Variants in DPP6 observed in about 807,000 individuals in gnomAD.
The protein encoded by DPP6 is dipeptidyl peptidase like 6.
In DPP6, 69 loss-of-function variants were observed where a neutral mutation model predicts 122.6. The ratio of observed to expected loss-of-function variants is 0.56; its 90% confidence interval spans 0.46 to 0.69. The LOEUF (loss-of-function observed/expected upper bound fraction) is 0.69. Among genes scored for constraint, DPP6 ranks in the 30% least tolerant of loss-of-function variants. DPP6 has a pLI of 0.00. For synonymous variants in DPP6, 418 were observed against 433.1 expected, an observed-to-expected ratio of 0.97 and a Z score of 0.43; for missense variants, 928 against 1,116.9, an observed-to-expected ratio of 0.83 and a Z score of 2.41.
intron 18 of DPP6, among the ~76,000 whole-genome samples, chr7:154,871,558 A>G (rs890187336): frequency 1.3e-5 from 2 of 152,256 alleles, no homozygotes; most frequent in African/African-American, 4.8e-5. Context: ...CAGTCAGAAC[A>G]TGGTTTCCAA....
intron 1 of DPP6, among the ~76,000 whole-genome samples, chr7:154,359,628 A>T (rs938052294): frequency 6.6e-6 from 1 of 152,128 alleles, no homozygotes; most frequent in Non-Finnish European, 1.5e-5. Flanking sequence ...ATTTGTTTCC[A>T]CCAAGATACT....
intron 7 of DPP6, among the ~76,000 whole-genome samples, chr7:154,707,969 A>C (rs943400620): frequency 6.6e-6 from 1 of 152,156 alleles, no homozygotes; most frequent in Non-Finnish European, 1.5e-5. Flanking sequence ...GTCATCCTCT[A>C]TCCATCCGTT....
chr7:153,866,467 G>A, the DPP6 span, among the ~76,000 whole-genome samples: 1 of 152,172 alleles, frequency 6.6e-6, no homozygotes. Flanking sequence ...AGAAGTGTCT[G>A]TTCATATCCT....
intron 7 of DPP6, among the ~76,000 whole-genome samples, chr7:154,697,952 A>G (rs879282265): frequency 2.6e-5 from 4 of 152,122 alleles, no homozygotes; most frequent in Non-Finnish European, 2.9e-5. Context: ...TGCTAGGTTC[A>G]TTTTAGGCAT....
chr7:154,277,975 A>G (rs938479357), intron 1 of DPP6, among the ~76,000 whole-genome samples: 3 of 152,252 alleles, frequency 2.0e-5, no homozygotes, highest in African/African-American at 7.2e-5. Flanking sequence ...AGGCAGGTGC[A>G]CGGCTTTGCC....
intron 8 of DPP6, among the ~76,000 whole-genome samples, chr7:154,751,874 G>A (rs1843412348): frequency 2.0e-5 from 3 of 152,152 alleles, no homozygotes; most frequent in African/African-American, 7.2e-5. Context: ...GATGCTGGGG[G>A]AGGGGAAGGA....
chr7:154,497,973 C>T (rs751932325), intron 3 of DPP6, among the ~76,000 whole-genome samples: 38 of 152,160 alleles, frequency 2.5e-4, no homozygotes, highest in African/African-American at 4.8e-4. Context: ...TGGGGGAGGA[C>T]GCGTTGTGTC....
intron 1 of DPP6, among the ~76,000 whole-genome samples, chr7:154,413,019 G>A (rs758437567): frequency 1.3e-5 from 2 of 152,224 alleles, no homozygotes; most frequent in Non-Finnish European, 2.9e-5. Flanking sequence ...TCCCCTGGGA[G>A]TTCATGAGAA....
At chr7:154,340,003 G>T (rs1005327784) in intron 1 of DPP6, among the ~76,000 whole-genome samples, 1 of 152,024 alleles carries the variant, frequency 6.6e-6, no homozygotes, top group African/African-American at 2.4e-5. Context: ...AACCTAGGAG[G>T]CAGAGTTTGC....
At chr7:154,492,447 C>T (rs1824360115) in intron 3 of DPP6, among the ~76,000 whole-genome samples, 1 of 152,208 alleles carries the variant, frequency 6.6e-6, no homozygotes, top group South Asian at 2.1e-4. Flanking sequence ...AAAAGGACGT[C>T]TGTGGCCAGG....
chr7:154,650,538 A>C (rs34061148), intron 6 of DPP6, among the ~76,000 whole-genome samples: 18,687 of 152,194 alleles, frequency 0.12, 1,500 homozygotes, highest in Non-Finnish European at 0.18. Context: ...TGTTTCCTTA[A>C]TGAGAAGGCC....
chr7:154,781,740 G>A (rs1422014662), intron 10 of DPP6, among the ~76,000 whole-genome samples: 1 of 151,990 alleles, frequency 6.6e-6, no homozygotes, highest in East Asian at 1.9e-4. Context: ...CTCAATCCAT[G>A]GGATAAACAT....
At chr7:154,182,638 A>C (rs1431467866) in intron 1 of DPP6, among the ~76,000 whole-genome samples, 4 of 152,134 alleles carry the variant, frequency 2.6e-5, no homozygotes, top group Non-Finnish European at 4.4e-5. Flanking sequence ...CTGGACAGAA[A>C]AGCCAGCAGC....
At chr7:154,253,679 A>G (rs1802487810) in intron 1 of DPP6, among the ~76,000 whole-genome samples, 1 of 152,238 alleles carries the variant, frequency 6.6e-6, no homozygotes, top group African/African-American at 2.4e-5. Flanking sequence ...GACAATGATG[A>G]TAATGATAAT....
chr7:153,844,362 T>C, the DPP6 span, among the ~76,000 whole-genome samples: 1 of 152,208 alleles, frequency 6.6e-6, no homozygotes, highest in South Asian at 2.1e-4. Context: ...ATTTTACACA[T>C]GAACAATAAA....
chr7:153,748,160 TC>T, the DPP6 span, among the ~76,000 whole-genome samples: 1 of 152,208 alleles, frequency 6.6e-6, no homozygotes, highest in African/African-American at 2.4e-5. Flanking sequence ...CAGCTGTAGC[TC>T]GTGCAGCCTG....
In DPP6 at chr7:154,103,195, G is replaced by A. The variant is rs960091653; in HGVS notation, c.243+50132G>A. 5.3e-5 allele frequency among the ~76,000 whole-genome samples: 8 copies of A among 152,218 alleles called. No individual in the cohort carries two copies. In the South Asian group the frequency reaches 6.2e-4, roughly 12 times the overall value. ...AGCATCTCCTGAGAAAGCTGATTCCGACAGAAGTGCAGTCAACTCAGCAAG... is the reference window on the plus strand; with the variant it reads ...AGCATCTCCTGAGAAAGCTGATTCCAACAGAAGTGCAGTCAACTCAGCAAG... On this transcript the variant is annotated intron_variant, in intron 1 of 25. Coordinates refer to ENST00000377770, the MANE Select transcript of DPP6 (RefSeq NM_130797.4).
At chr7:154,352,462 C>CA (rs905480924) in intron 1 of DPP6, among the ~76,000 whole-genome samples, 42 of 150,510 alleles carry the variant, frequency 2.8e-4, no homozygotes, top group Admixed American at 5.9e-4. Context: ...GACTCTGTCT[C>CA]AAAAAAAATA....
At chr7:154,771,820 G>T (rs10215291) in intron 9 of DPP6, among the ~76,000 whole-genome samples, 3,592 of 152,284 alleles carry the variant, frequency 0.024, 132 homozygotes, top group African/African-American at 0.081. Context: ...GTAGCATGTG[G>T]AAGGGTCCAG....
Sources: allele counts gnomAD v4.1 joint callset (sites outside exome capture counted in the v4.1 genomes callset), GRCh38; gene constraint gnomAD v4.1.1; transcripts MANE v1.5; gene names NCBI Gene and HGNC (gene_info 2026-07-23, HGNC 2026-07-21).